The following PFKP variants were observed in gnomAD, a reference collection of about 807,000 sequenced individuals.
PFKP encodes phosphofructokinase, platelet.
In PFKP, 101 loss-of-function variants were observed where a neutral mutation model predicts 94.3. The observed-to-expected ratio is 1.07, with a 90% CI of 0.91 to 1.26. The LOEUF (loss-of-function observed/expected upper bound fraction) is 1.26, where lower values mean the gene tolerates loss of function less well. Among genes scored for constraint, PFKP ranks in the 50% most tolerant of loss-of-function variants. The pLI, the probability that PFKP is intolerant of heterozygous loss-of-function variation, is 0.00. For synonymous variants in PFKP, 573 were observed against 432.6 expected (o/e 1.32, Z -4.03); for missense variants, 1,145 against 1,103.3 (o/e 1.04, Z -0.53).
At chr10:3,074,964 T>C (rs1832469208) in intron 1 of PFKP, among the ~76,000 whole-genome samples, 1 of 152,210 alleles carries the variant, frequency 6.6e-6, no homozygotes, top group African/African-American at 2.4e-5. Context: ...TTTACCCACG[T>C]GTTTATTAAC....
rs560697255 is a variant in PFKP, at chr10:3,126,243, C to T, written c.1684-3576C>T. On this transcript the variant is annotated intron_variant, in intron 16 of 21. Transcript: ENST00000381125. Reference sequence around the variant, plus strand: ...GGTCGGCTGCAGCTTCCTGTGAGTCCGAGCCTCAGCCTCCCACTCGAGCTG... The same window carrying T: ...GGTCGGCTGCAGCTTCCTGTGAGTCTGAGCCTCAGCCTCCCACTCGAGCTG... 6.8e-3 allele frequency among the ~76,000 whole-genome samples: 1,029 copies of T among 152,292 alleles called. 9 individuals carry two copies. Among genetic ancestry groups the T allele is most frequent in the African/African-American group, 0.023 (975 of 41,568 alleles).
intron 1 of PFKP, 125 bp from the exon 2 acceptor site, chr10:3,082,263 A>G: frequency 3.4e-6 from 2 of 593,460 alleles, no homozygotes; most frequent in East Asian, 2.9e-5. Context: ...GTGTGTACCC[A>G]TTTCTCATAT....
chr10:3,071,952 G>A (rs10794999), intron 1 of PFKP, among the ~76,000 whole-genome samples: 11,921 of 152,258 alleles, frequency 0.078, 922 homozygotes, highest in East Asian at 0.31. Context: ...ACAGAGCTCC[G>A]TGGTGGGGCC....
intron 16 of PFKP, among the ~76,000 whole-genome samples, chr10:3,123,674 C>T (rs75283771): frequency 0.032 from 4,803 of 152,322 alleles, 192 homozygotes; most frequent in Admixed American, 0.083. Flanking sequence ...GTAAAGTGAG[C>T]GACATCACCT....
At chr10:3,126,503 C>T (rs1176764601) in intron 16 of PFKP, among the ~76,000 whole-genome samples, 2 of 152,256 alleles carry the variant, frequency 1.3e-5, no homozygotes, top group African/African-American at 2.4e-5. Context: ...CGCAGCCCTA[C>T]CCTGGCCAGC....
At chr10:3,077,448 A>G (rs968579066) in intron 1 of PFKP, among the ~76,000 whole-genome samples, 56 of 149,774 alleles carry the variant, frequency 3.7e-4, no homozygotes, top group African/African-American at 1.3e-3. Context: ...TTGTATTTTT[A>G]GTAGAGATGG....
chr10:3,104,838 G>A, intron 5 of PFKP: 1 of 531,194 alleles, frequency 1.9e-6, no homozygotes. Flanking sequence ...AGTGTGTCCT[G>A]GCACAGGCAG....
At chr10:3,077,261 C>CTTTTTTTTTTT (rs34485324) in intron 1 of PFKP, among the ~76,000 whole-genome samples, 301 of 84,218 alleles carry the variant, frequency 3.6e-3, no homozygotes, top group Non-Finnish European at 5.0e-3. Context: ...TTTTTTTTTT[C>CTTTTTTTTTTT]TTTTTTTTTT....
intron 16 of PFKP, among the ~76,000 whole-genome samples, chr10:3,124,522 C>T (rs1047726787): frequency 4.6e-5 from 7 of 152,234 alleles, no homozygotes; most frequent in South Asian, 2.1e-4. Context: ...AGGGCAGAAA[C>T]GGCAGCTTCC....
At chr10:3,091,758 C>CCTGGGTGACAGAG (rs780812334) in intron 2 of PFKP, among the ~76,000 whole-genome samples, 66 of 152,166 alleles carry the variant, frequency 4.3e-4, no homozygotes, top group Admixed American at 8.5e-4. Flanking sequence ...TGCATTCCAG[C>CCTGGGTGACAGAG]CTGGGTGACA....
chr10:3,099,082 C>T (rs1444013743), intron 2 of PFKP, among the ~76,000 whole-genome samples, 193 bp from the exon 3 acceptor site: 2 of 152,196 alleles, frequency 1.3e-5, no homozygotes, highest in Non-Finnish European at 2.9e-5. Context: ...GTTCCCATTA[C>T]TAGGGACTCA....
chr10:3,099,098 A>G (rs1214753000), intron 2 of PFKP, among the ~76,000 whole-genome samples, 177 bp from the exon 3 acceptor site: 1 of 152,192 alleles, frequency 6.6e-6, no homozygotes, highest in East Asian at 1.9e-4. Flanking sequence ...ACTCAAGGTG[A>G]GGACTTTCCC....
intron 2 of PFKP, among the ~76,000 whole-genome samples, chr10:3,084,291 T>C (rs1018237324): frequency 6.6e-6 from 1 of 152,218 alleles, no homozygotes; most frequent in Non-Finnish European, 1.5e-5. Context: ...TGTGTGCCGC[T>C]GTGTGCGGCG....
chr10:3,082,171 G>T (rs1480543488), intron 1 of PFKP, among the ~76,000 whole-genome samples: 2 of 152,004 alleles, frequency 1.3e-5, no homozygotes, highest in Admixed American at 1.3e-4. Flanking sequence ...GTGATGTTTT[G>T]AACAGAAAGT....
chr10:3,068,917 A>G (rs1375797968), intron 1 of PFKP, among the ~76,000 whole-genome samples: 1 of 152,174 alleles, frequency 6.6e-6, no homozygotes, highest in Admixed American at 6.5e-5. Flanking sequence ...CGCGCACTGC[A>G]CAGGGTTGGA....
intron 2 of PFKP, among the ~76,000 whole-genome samples, chr10:3,093,356 T>G (rs1834207867): frequency 1.3e-5 from 2 of 152,214 alleles, no homozygotes; most frequent in Non-Finnish European, 1.5e-5. Context: ...TTCCTTGAAG[T>G]GAAAACTACT....
intron 13 of PFKP, among the ~76,000 whole-genome samples, chr10:3,116,468 TTTTC>T (rs1361763990): frequency 3.3e-5 from 5 of 152,220 alleles, no homozygotes; most frequent in African/African-American, 1.2e-4. Context: ...ATCATGTTAC[TTTTC>T]TTTTAGTTGC....
chr10:3,090,238 T>C (rs10795003), intron 2 of PFKP, among the ~76,000 whole-genome samples: 88,722 of 152,150 alleles, frequency 0.58, 26,802 homozygotes, highest in Middle Eastern at 0.69. Flanking sequence ...TTCTGAGTCC[T>C]GGCCTGCCTC....
intron 2 of PFKP, among the ~76,000 whole-genome samples, chr10:3,083,365 T>A (rs948293261): frequency 2.0e-5 from 3 of 151,978 alleles, no homozygotes; most frequent in African/African-American, 7.2e-5. Context: ...GATCACAGTA[T>A]TAATTTCAGA....
Sources: allele counts gnomAD v4.1 joint callset (sites outside exome capture counted in the v4.1 genomes callset), GRCh38; gene constraint gnomAD v4.1.1; transcripts MANE v1.5; gene names NCBI Gene and HGNC (gene_info 2026-07-23, HGNC 2026-07-21).